Variants in PRR14L observed in about 807,000 individuals in gnomAD.
The protein encoded by PRR14L is proline rich 14 like, also known as protein PRR14L.
PRR14L carries 80 observed loss-of-function variants against 155.0 expected under a neutral mutation model. That is an observed-to-expected ratio of 0.52 (90% CI 0.43 to 0.62). PRR14L has a LOEUF of 0.62. Ranked by LOEUF, PRR14L falls within the 20% of genes least tolerant of loss-of-function variation. PRR14L has a pLI of 0.00. For missense variants in PRR14L, 2,469 were observed against 2,548.0 expected (o/e 0.97, Z 0.67); for synonymous variants, 883 against 916.0 (o/e 0.96, Z 0.65).
At chr22:31,699,450 A>G (rs1424682240) in intron 7 of PRR14L, among the ~76,000 whole-genome samples, 2 of 152,242 alleles carry the variant, frequency 1.3e-5, no homozygotes, top group South Asian at 2.1e-4. Context: ...GAGTGCCAAC[A>G]TGATGCTCAA....
chr22:31,701,636 G>A lies in PRR14L; in HGVS notation c.6107+20C>T, dbSNP rs1201176858. The A allele has an allele frequency of 1.3e-6, 2 of 1,531,500 alleles. No individual in the cohort carries two copies. The highest frequency in any genetic ancestry group is 1.2e-5 in the South Asian group (1 of 85,610). 94.9% of individuals were successfully genotyped at this position (1,531,500 alleles called of 1,614,324 possible). A position where few individuals can be genotyped will look rare whatever the true frequency, so the allele number is the denominator to read the frequency against. ...TTTTCCAAAAAAGTGAACCTAGCTT[G>A]TAACAGAGAAGGAGCTCACCTTTTG... is the stretch of plus-strand genomic sequence containing the variant. On this transcript the variant is annotated intron_variant, in intron 7 of 8. Coordinates refer to ENST00000327423, the MANE Select transcript of PRR14L (RefSeq NM_173566.3).
chr22:31,735,724 T>C (rs1311889347), intron 2 of PRR14L, among the ~76,000 whole-genome samples: 2 of 151,630 alleles, frequency 1.3e-5, no homozygotes, highest in Non-Finnish European at 2.9e-5. Flanking sequence ...CTGGGATCCT[T>C]AGCCTTTTAC....
Position 31,685,443 on chromosome 22 carries a change from G to C in PRR14L, c.*84C>G, listed in dbSNP as rs114578210. 2.7e-3 allele frequency: 3,112 copies of C among 1,148,728 alleles called. 79 individuals carry two copies. The African/African-American group carries it at 0.065, about 24-fold the overall frequency. The allele number at this position is 1,148,728 out of a possible 1,614,324, so 71.2% of individuals were successfully genotyped here. On this transcript the variant is annotated 3_prime_UTR_variant, in exon 9 of 9. Transcript: ENST00000327423. ...GGCAAAATTAGGCAACCTTTTCCAA[G>C]GAGGTCCAAAAAAAAAAAAAAAACC... is the stretch of plus-strand genomic sequence containing the variant.
At chr22:31,701,169 G>C (rs2074561345) in intron 7 of PRR14L, among the ~76,000 whole-genome samples, 1 of 151,820 alleles carries the variant, frequency 6.6e-6, no homozygotes, top group Non-Finnish European at 1.5e-5. Context: ...TGTATTTTTA[G>C]TAGAGATGGG....
chr22:31,745,790 C>T (rs987486503), intron 1 of PRR14L, among the ~76,000 whole-genome samples: 27 of 147,022 alleles, frequency 1.8e-4, no homozygotes, highest in Non-Finnish European at 5.9e-5. Context: ...GAGGTTGCAG[C>T]GAGCAGAGAT....
intron 2 of PRR14L, among the ~76,000 whole-genome samples, chr22:31,729,725 A>G (rs1246682347): frequency 1.3e-5 from 2 of 152,178 alleles, no homozygotes; most frequent in African/African-American, 4.8e-5. Context: ...AGAGACAGAA[A>G]GTAGAATGGT....
chr22:31,723,926 G>A (rs1420700122), intron 3 of PRR14L, among the ~76,000 whole-genome samples: 1 of 152,224 alleles, frequency 6.6e-6, no homozygotes, highest in Non-Finnish European at 1.5e-5. Flanking sequence ...GGCACAGCAG[G>A]AGGTGAGAAG....
At chr22:31,718,401 G>A (rs918317757) in intron 3 of PRR14L, among the ~76,000 whole-genome samples, 1 of 151,824 alleles carries the variant, frequency 6.6e-6, no homozygotes, top group Non-Finnish European at 1.5e-5. Context: ...GACTACAGAC[G>A]CCCACCACCA....
At chr22:31,732,863 G>A (rs1026636913) in intron 2 of PRR14L, among the ~76,000 whole-genome samples, 1 of 152,064 alleles carries the variant, frequency 6.6e-6, no homozygotes, top group East Asian at 1.9e-4. Context: ...AATACCTTAT[G>A]CCATAATGTA....
Position 31,738,424 on chromosome 22 carries a change from T to A in PRR14L, c.437A>T (p.His146Leu). 1 of 1,552,398 alleles carries A rather than the reference T, an allele frequency of 6.4e-7. No homozygotes were observed. The highest frequency in any genetic ancestry group is 8.7e-7 in the Non-Finnish European group (1 of 1,147,134). Residue 146 changes from histidine to leucine, a missense_variant, in exon 2 of 9, where the codon CAT becomes CTT. Physicochemically the swap from His to Leu is moderately conservative, Grantham distance 99. Around this residue, in one of 2 missense-constraint regions of PRR14L, gnomAD observed 2,363 missense variants for 2,371.6 expected, o/e 1.00. Coordinates refer to ENST00000327423, the MANE Select transcript of PRR14L (RefSeq NM_173566.3). ...SEGAKEDPHQHSTAAEEKTSP... is the reference protein window; with the variant it reads ...SEGAKEDPHQLSTAAEEKTSP... ...AGTCTTTTCTTCAGCAGCTGTGGAA[T>A]GTTGATGTGGATCTTCCTTTGCTCC...
In PRR14L at chr22:31,703,532, C is replaced by G; in HGVS notation, c.6000+18G>C. ...CCAATGCCACCATCATCTGACCCAA[C>G]CAGCACTTTACACTTACCTCTTTCT... On this transcript the variant is annotated intron_variant, in intron 6 of 8. Coordinates refer to ENST00000327423, the MANE Select transcript of PRR14L (RefSeq NM_173566.3). 6.2e-7 allele frequency: 1 copy of G among 1,607,794 alleles called. No individual in the cohort carries two copies. The highest frequency in any genetic ancestry group is 1.1e-5 in the South Asian group (1 of 90,426).
Position 31,738,888 on chromosome 22 carries a change from G to A in PRR14L, c.-28C>T. 7.2e-7 allele frequency: 1 copy of A among 1,394,446 alleles called. No homozygotes were observed. Among genetic ancestry groups the A allele is most frequent in the Non-Finnish European group, 9.7e-7 (1 of 1,026,210 alleles). The allele number at this position is 1,394,446 out of a possible 1,614,324, so 86.4% of individuals were successfully genotyped here. A position where few individuals can be genotyped will look rare whatever the true frequency, so the allele number is the denominator to read the frequency against. ...GGACAGATGCAGATTATGGAGTCAA[G>A]TCTTTTACATCAAATGATTCACCCT... On this transcript the variant is annotated 5_prime_UTR_variant, in exon 2 of 9. Coordinates refer to ENST00000327423, the MANE Select transcript of PRR14L (RefSeq NM_173566.3).
chr22:31,731,408 C>CA (rs1240571867), intron 2 of PRR14L, among the ~76,000 whole-genome samples: 8 of 151,524 alleles, frequency 5.3e-5, no homozygotes, highest in African/African-American at 1.9e-4. Context: ...ACTAAAAATA[C>CA]AAAAAATTAG....
At position 31,683,520 on chromosome 22, in the gene PRR14L, C is replaced by T. The variant is rs1005265140; in HGVS notation, c.*2007G>A. On this transcript the variant is annotated 3_prime_UTR_variant, in exon 9 of 9. Coordinates refer to ENST00000327423, the MANE Select transcript of PRR14L (RefSeq NM_173566.3). ...AGAGGTATTGAGGTGAAACATAGGT[C>T]GTGTCTATACAGTCTGGGCAAAGTG... 1 of 152,180 alleles carries T rather than the reference C, an allele frequency of 6.6e-6. No homozygotes were observed. The highest frequency in any genetic ancestry group is 2.4e-5 in the African/African-American group (1 of 41,444). The allele number at this position is 152,180 out of a possible 1,614,324, so 9.4% of individuals were successfully genotyped here.
chr22:31,716,195 C>G lies in PRR14L; in HGVS notation c.1644G>C (p.Gln548His). 1 of 1,551,546 alleles carries G rather than the reference C, an allele frequency of 6.4e-7. No individual in the cohort carries two copies. Among genetic ancestry groups the G allele is most frequent in the Non-Finnish European group, 8.7e-7 (1 of 1,146,936 alleles). ...TKDCNSLVSI[Q>H]RNLEGNTQLN... ...ACTGGGTGTTGCCTTCCAGATTTCT[C>G]TGGATGCTGACTAAGGAGTTACAGT... The change falls in exon 4 of 9, where the codon CAG becomes CAC. Residue 548 changes from glutamine (Q) to histidine (H), a missense_variant. Physicochemically the swap from Gln to His is conservative, Grantham distance 24 (BLOSUM62 0). Around this residue, in one of 2 missense-constraint regions of PRR14L, gnomAD observed 2,363 missense variants for 2,371.6 expected, o/e 1.00. Coordinates refer to ENST00000327423, the MANE Select transcript of PRR14L (RefSeq NM_173566.3).
intron 2 of PRR14L, 56 bp from the exon 3 acceptor site, chr22:31,725,666 A>ATATTAT (rs574801816): frequency 9.3e-6 from 9 of 971,108 alleles, no homozygotes; most frequent in East Asian, 2.7e-5. Context: ...GAGTTAATGA[A>ATATTAT]TATTATTATT....
intron 1 of PRR14L, among the ~76,000 whole-genome samples, chr22:31,741,556 T>G (rs1476057523): frequency 6.6e-6 from 1 of 152,150 alleles, no homozygotes; most frequent in African/African-American, 2.4e-5. Flanking sequence ...AATGAGATTC[T>G]GGATGTGAAA....
intron 2 of PRR14L, among the ~76,000 whole-genome samples, chr22:31,728,755 C>G (rs1291383765): frequency 1.3e-5 from 2 of 149,456 alleles, no homozygotes; most frequent in Non-Finnish European, 3.0e-5. Flanking sequence ...TTTTCTGTGT[C>G]TGAGTTGAAT....
intron 1 of PRR14L, among the ~76,000 whole-genome samples, chr22:31,746,024 G>A (rs1219192372): frequency 6.6e-6 from 1 of 151,640 alleles, no homozygotes; most frequent in Non-Finnish European, 1.5e-5. Flanking sequence ...TCAAACTCTG[G>A]ACTCAAGCAA....
Sources: allele counts gnomAD v4.1 joint callset (sites outside exome capture counted in the v4.1 genomes callset), GRCh38; gene constraint gnomAD v4.1.1; regional missense constraint gnomAD v4.1.1; transcripts MANE v1.5; gene names NCBI Gene and HGNC (gene_info 2026-07-23, HGNC 2026-07-21).